Variants in ZNF354A observed in about 807,000 individuals in gnomAD.
ZNF354A encodes the protein zinc finger protein 354A, also known as epididymis luminal protein 104.
Under a neutral mutation model 53.3 loss-of-function variants are expected in ZNF354A, and 25 were observed. That is an observed-to-expected ratio of 0.47 (90% CI 0.34 to 0.66). The LOEUF (loss-of-function observed/expected upper bound fraction) is 0.66. Ranked by LOEUF, ZNF354A falls within the 30% of genes least tolerant of loss-of-function variation. ZNF354A has a pLI of 0.01. For synonymous variants in ZNF354A, 228 were observed against 249.0 expected, an observed-to-expected ratio of 0.92 and a Z score of 0.79; for missense variants, 586 against 716.8, an observed-to-expected ratio of 0.82 and a Z score of 2.08.
At chr5:178,729,487 C>T (rs1765984402) in intron 1 of ZNF354A, 1 of 202,318 alleles carries the variant, frequency 4.9e-6, no homozygotes. Flanking sequence ...TTCCCTCCGC[C>T]TCAAGCCTTT....
At chr5:178,719,509 G>A (rs1052453907) in intron 4 of ZNF354A, among the ~76,000 whole-genome samples, 4 of 152,300 alleles carry the variant, frequency 2.6e-5, no homozygotes, top group South Asian at 2.1e-4. Context: ...GAAAGGAATC[G>A]CCATAGGCTA....
At chr5:178,721,255 A>G (rs1345490721) in intron 4 of ZNF354A, among the ~76,000 whole-genome samples, 1 of 152,144 alleles carries the variant, frequency 6.6e-6, no homozygotes, top group Non-Finnish European at 1.5e-5. Flanking sequence ...AGAGTGTGTT[A>G]CACAAATCTA....
chr5:178,711,611 T>C lies in ZNF354A; in HGVS notation c.*449A>G, dbSNP rs1765619087. On this transcript the variant is annotated 3_prime_UTR_variant, in exon 5 of 5. Coordinates refer to ENST00000335815, the MANE Select transcript of ZNF354A (RefSeq NM_005649.3). The stretch of plus-strand genomic sequence containing the variant: ...CTGAGAGGTAGTTCATAATTCATTT[T>C]TCTTTTATTTTGGTCCTTTTCTCTA... 6.5e-6 allele frequency: 1 copy of C among 153,304 alleles called. No individual in the cohort carries two copies. Among genetic ancestry groups the C allele is most frequent in the Admixed American group, 6.5e-5 (1 of 15,322 alleles). The allele number at this position is 153,304 out of a possible 1,614,324, so 9.5% of individuals were successfully genotyped here.
At chr5:178,716,318 G>A (rs1765715429) in intron 4 of ZNF354A, among the ~76,000 whole-genome samples, 1 of 152,162 alleles carries the variant, frequency 6.6e-6, no homozygotes, top group Non-Finnish European at 1.5e-5. Flanking sequence ...TCCTTAACAT[G>A]GTGAATAGAG....
chr5:178,720,431 T>C lies in ZNF354A; in HGVS notation c.256+4945A>G, dbSNP rs190552555. On this transcript the variant is annotated intron_variant, in intron 4 of 4. Transcript: ENST00000335815. ...TGCTGTCCCCGTAAACTGGGGAAAT[T>C]TGGACACAGGCATCCAGAAGGAAAG... is the stretch of plus-strand genomic sequence containing the variant. Among the ~76,000 whole-genome samples, 193 of 152,264 alleles carry C rather than the reference T, an allele frequency of 1.3e-3. 1 individual carries two copies. The highest frequency in any genetic ancestry group is 2.9e-3 in the Admixed American group (44 of 15,298).
At position 178,728,901 on chromosome 5, in the gene ZNF354A, TC is replaced by T. The variant is rs2113889891; in HGVS notation, c.33+88del. On this transcript the variant is annotated intron_variant, in intron 2 of 4. Coordinates refer to ENST00000335815, the MANE Select transcript of ZNF354A (RefSeq NM_005649.3). ...TCCTCCAAGAGAAAAGGACTTGGGC[TC>T]CATCCTGGCTGGAGATGGTCCCGGG... 2.7e-6 allele frequency: 3 copies of T among 1,123,376 alleles called. No individual in the cohort carries two copies. The South Asian group carries it at 4.3e-5, about 16-fold the overall frequency. 69.6% of individuals were successfully genotyped at this position (1,123,376 alleles called of 1,614,324 possible).
At chr5:178,720,669 T>C (rs1765797042) in intron 4 of ZNF354A, among the ~76,000 whole-genome samples, 1 of 152,246 alleles carries the variant, frequency 6.6e-6, no homozygotes, top group Non-Finnish European at 1.5e-5. Context: ...TCTACTGTTT[T>C]AAGCCACGAA....
intron 4 of ZNF354A, among the ~76,000 whole-genome samples, chr5:178,719,967 C>T (rs1354288676): frequency 6.6e-6 from 1 of 151,776 alleles, no homozygotes; most frequent in Non-Finnish European, 1.5e-5. Flanking sequence ...AAAAATGTCA[C>T]TTGCATTTGC....
At chr5:178,722,096 T>C (rs1765823724) in intron 4 of ZNF354A, among the ~76,000 whole-genome samples, 1 of 152,170 alleles carries the variant, frequency 6.6e-6, no homozygotes, top group South Asian at 2.1e-4. Flanking sequence ...TACAGTACGC[T>C]TTTACCTGTC....
chr5:178,725,586 G>A (rs138522868), intron 3 of ZNF354A, 115 bp from the exon 4 acceptor site: 13,324 of 1,072,874 alleles, frequency 0.012, 135 homozygotes, highest in Non-Finnish European at 0.015. Context: ...TTCTGTGTAG[G>A]GCTTCAGTTG....
intron 4 of ZNF354A, among the ~76,000 whole-genome samples, chr5:178,723,834 T>C (rs1186358041): frequency 1.3e-5 from 2 of 151,646 alleles, no homozygotes; most frequent in African/African-American, 2.4e-5. Flanking sequence ...ACTGCCACGA[T>C]GGCCCCTCCC....
At chr5:178,722,428 T>C (rs981475453) in intron 4 of ZNF354A, among the ~76,000 whole-genome samples, 3 of 152,332 alleles carry the variant, frequency 2.0e-5, no homozygotes, top group Admixed American at 2.0e-4. Flanking sequence ...CTTCTAGTGT[T>C]CCTATCTCAC....
At chr5:178,726,909 T>A in intron 3 of ZNF354A, 90 bp downstream of exon 3, 2 of 1,519,544 alleles carry the variant, frequency 1.3e-6, no homozygotes, top group Non-Finnish European at 1.8e-6. Flanking sequence ...CAGCTCAAAT[T>A]TTTCAGTGAC....
chr5:178,727,948 T>C lies in ZNF354A; in HGVS notation c.34-823A>G, dbSNP rs1765942883. On this transcript the variant is annotated intron_variant, in intron 2 of 4. Coordinates refer to ENST00000335815, the MANE Select transcript of ZNF354A (RefSeq NM_005649.3). ...TTACTGTAACCTCCACCTTCCGGGT[T>C]CCAATGATTCTCTTGCCTCGGCCTC... Among the ~76,000 whole-genome samples, 4 of 152,178 alleles carry C rather than the reference T, an allele frequency of 2.6e-5. No homozygotes were observed. In the South Asian group the frequency reaches 8.3e-4, roughly 31 times the overall value.
At chr5:178,724,647 C>A (rs1167242519) in intron 4 of ZNF354A, among the ~76,000 whole-genome samples, 1 of 152,138 alleles carries the variant, frequency 6.6e-6, no homozygotes, top group African/African-American at 2.4e-5. Flanking sequence ...AAGTAATGCC[C>A]CCTTCCATGG....
chr5:178,713,301 C>T lies in ZNF354A; in HGVS notation c.577G>A (p.Gly193Arg). The T allele has an allele frequency of 2.5e-6, 4 of 1,613,978 alleles. No individual in the cohort carries two copies. The highest frequency in any genetic ancestry group is 3.4e-6 in the Non-Finnish European group (4 of 1,180,000). The change falls in exon 5 of 5, where the codon GGA (glycine) becomes AGA (arginine). Residue 193 changes from glycine to arginine, a missense_variant. Coordinates refer to ENST00000335815, the MANE Select transcript of ZNF354A (RefSeq NM_005649.3). ...EKTPPKCEIQGNSLKQNSQLL... is the reference protein window; with the variant it reads ...EKTPPKCEIQRNSLKQNSQLL... Reference sequence around the variant, plus strand: ...TGTGAATTCTGTTTGAGGCTGTTTCCTTGTATTTCACATTTTGGTGGTGTT... The same window carrying T: ...TGTGAATTCTGTTTGAGGCTGTTTCTTTGTATTTCACATTTTGGTGGTGTT...
At chr5:178,725,794 C>G (rs1271329575) in intron 3 of ZNF354A, among the ~76,000 whole-genome samples, 1 of 152,144 alleles carries the variant, frequency 6.6e-6, no homozygotes, top group African/African-American at 2.4e-5. Flanking sequence ...AGTAGGTTAT[C>G]TATGAAAAGG....
intron 4 of ZNF354A, among the ~76,000 whole-genome samples, chr5:178,714,994 T>C (rs1404387688): frequency 6.6e-6 from 1 of 152,080 alleles, no homozygotes; most frequent in East Asian, 1.9e-4. Context: ...GCAAGAGAGG[T>C]TACATGGGAT....
rs1765658231 is a variant in ZNF354A at position 178,713,402 on chromosome 5, T to C, written c.476A>G (p.His159Arg). ...HKKIPTIERS[H>R]KNTELSQNFS... is the part of the protein sequence containing the mutation. ...GTTTTGGCTCAATTCAGTATTTTTA[T>C]GGCTTCTTTCTATAGTGGGGATTTT... Residue 159 changes from histidine (H) to arginine (R), a missense_variant, in exon 5 of 5, where the codon CAT becomes CGT. By Grantham distance (29) the His-to-Arg change is conservative. This residue lies in a region of ZNF354A where 573 missense variants were observed against 680.1 expected (regional missense o/e 0.84). Transcript: ENST00000335815. 1 of 1,613,896 alleles carries C rather than the reference T, an allele frequency of 6.2e-7. No individual in the cohort carries two copies. The highest frequency in any genetic ancestry group is 8.5e-7 in the Non-Finnish European group (1 of 1,179,974).
Sources: allele counts gnomAD v4.1 joint callset (sites outside exome capture counted in the v4.1 genomes callset), GRCh38; gene constraint gnomAD v4.1.1; regional missense constraint gnomAD v4.1.1; transcripts MANE v1.5; gene names NCBI Gene and HGNC (gene_info 2026-07-23, HGNC 2026-07-21).